SEC62: variants seen among roughly 807,000 people sequenced by gnomAD.
SEC62 encodes SEC62 preprotein translocation factor.
Under a neutral mutation model 47.5 loss-of-function variants are expected in SEC62, and 10 were observed. That is an observed-to-expected ratio of 0.21 (90% confidence interval 0.13 to 0.36). The LOEUF (loss-of-function observed/expected upper bound fraction) is 0.36, where lower values mean the gene tolerates loss of function less well. SEC62 is among the 10% of genes least tolerant of loss of function. SEC62 has a pLI of 1.00. For synonymous variants in SEC62, 136 were observed against 150.5 expected (o/e 0.90, Z 0.71); for missense variants, 327 against 464.1 (o/e 0.70, Z 2.71).
chr3:169,982,722 G>T lies in SEC62; in HGVS notation c.267G>T (p.Gln89His), dbSNP rs758444719. The T allele has an allele frequency of 7.5e-6, 12 of 1,608,448 alleles. No individual in the cohort carries two copies. Among genetic ancestry groups the T allele is most frequent in the Non-Finnish European group, 1.0e-5 (12 of 1,176,610 alleles). ...VDYCNRLLKK[Q>H]FFHRALKVMK... ...TTTCCCAAAGGCTTTTAAAGAAGCA[G>T]TTTTTTCACCGAGCCCTAAAAGTAA... is the stretch of plus-strand genomic sequence containing the variant. Residue 89 changes from glutamine (Q) to histidine (H), a missense_variant, in exon 4 of 8, where the codon CAG becomes CAT. By Grantham distance (24) the Gln-to-His change is conservative. Coordinates refer to ENST00000337002, the MANE Select transcript of SEC62 (RefSeq NM_003262.4).
chr3:169,983,046 G>T, intron 4 of SEC62, 115 bp from the exon 5 acceptor site: 1 of 1,471,336 alleles, frequency 6.8e-7, no homozygotes, highest in Admixed American at 2.3e-5. Context: ...AAATACCGTG[G>T]TTGAGAATTT....
At chr3:169,974,942 A>G (rs1040718614) in intron 1 of SEC62, among the ~76,000 whole-genome samples, 3 of 152,196 alleles carry the variant, frequency 2.0e-5, no homozygotes, top group African/African-American at 7.2e-5. Flanking sequence ...GATACTCACT[A>G]TTAGCAACAT....
intron 1 of SEC62, among the ~76,000 whole-genome samples, chr3:169,973,308 T>C (rs1714747371): frequency 6.6e-6 from 1 of 152,238 alleles, no homozygotes; most frequent in African/African-American, 2.4e-5. Flanking sequence ...TAAATCATTA[T>C]GAATCTTGTA....
At chr3:169,975,738 C>T (rs936964662) in intron 2 of SEC62, 22 bp downstream of exon 2, 9 of 1,466,118 alleles carry the variant, frequency 6.1e-6, no homozygotes, top group Admixed American at 1.7e-5. Flanking sequence ...TCAGTAAAAT[C>T]GTATTAGTGT....
rs1244224978 is a variant in SEC62, at chr3:169,993,026, A to G, written c.1163A>G (p.Asp388Gly). 6.2e-7 allele frequency: 1 copy of G among 1,610,688 alleles called. No individual in the cohort carries two copies. The highest frequency in any genetic ancestry group is 8.5e-7 in the Non-Finnish European group (1 of 1,178,586). Residue 388 changes from aspartate to glycine, a missense_variant, in exon 8 of 8, where the codon GAT (aspartate) becomes GGT (glycine). Coordinates refer to ENST00000337002, the MANE Select transcript of SEC62 (RefSeq NM_003262.4). ...DCEEDEEEEN[D>G]GETPKSSHEK... Reference sequence around the variant, plus strand: ...GAAGAGGATGAGGAAGAGGAAAATGATGGAGAAACACCTAAATCTTCACAT... The same window carrying G: ...GAAGAGGATGAGGAAGAGGAAAATGGTGGAGAAACACCTAAATCTTCACAT...
rs2108290958 is a variant in SEC62, at chr3:169,995,035, T to G, written c.*1972T>G. The G allele has an allele frequency of 6.6e-6, 1 of 152,338 alleles. No individual in the cohort carries two copies. The highest frequency in any genetic ancestry group is 1.9e-4 in the East Asian group (1 of 5,194). The allele number at this position is 152,338 out of a possible 1,614,324, so 9.4% of individuals were successfully genotyped here. A position where few individuals can be genotyped will look rare whatever the true frequency, so the allele number is the denominator to read the frequency against. On this transcript the variant is annotated 3_prime_UTR_variant, in exon 8 of 8. Coordinates refer to ENST00000337002, the MANE Select transcript of SEC62 (RefSeq NM_003262.4). ...TAGAAATTTCAGCTCAGTTTCTATT[T>G]TACTATTCAAGTTGTGTACTTTAAA...
At chr3:169,966,945 G>C (rs948825736) in intron 1 of SEC62, 87 bp downstream of exon 1, 37 of 421,466 alleles carry the variant, frequency 8.8e-5, no homozygotes, top group African/African-American at 7.9e-4. Flanking sequence ...GCGAGCGAAA[G>C]CAAGGGCGAG....
rs1027638351 is a variant in SEC62 at position 169,993,031 on chromosome 3, G to A, written c.1168G>A (p.Glu390Lys). The change falls in exon 8 of 8, where the codon GAA becomes AAA. Residue 390 changes from glutamate to lysine, a missense_variant. This residue lies in a region of SEC62 where 102 missense variants were observed against 108.8 expected (regional missense o/e 0.94). Coordinates refer to ENST00000337002, the MANE Select transcript of SEC62 (RefSeq NM_003262.4). ...GGATGAGGAAGAGGAAAATGATGGA[G>A]AAACACCTAAATCTTCACATGAAAA... ...EEDEEEENDGETPKSSHEKS is the reference protein window; with the variant it reads ...EEDEEEENDGKTPKSSHEKS The A allele has an allele frequency of 6.2e-7, 1 of 1,609,310 alleles. No homozygotes were observed. The highest frequency in any genetic ancestry group is 8.5e-7 in the Non-Finnish European group (1 of 1,177,964).
chr3:169,976,794 T>C (rs1177830234), intron 2 of SEC62, 152 bp from the exon 3 acceptor site: 11 of 463,236 alleles, frequency 2.4e-5, no homozygotes, highest in Non-Finnish European at 4.2e-5. Flanking sequence ...TTTGGGGAAC[T>C]ACTAATCATG....
At position 169,966,827 on chromosome 3, in the gene SEC62, C is replaced by T. The variant is rs1339101671; in HGVS notation, c.5C>T (p.Ala2Val). The T allele has an allele frequency of 2.6e-6, 4 of 1,554,454 alleles. No homozygotes were observed. Among genetic ancestry groups the T allele is most frequent in the East Asian group, 2.4e-5 (1 of 41,138 alleles). The change falls in exon 1 of 8, where the codon GCG becomes GTG. Residue 2 changes from alanine to valine, a missense_variant. By Grantham distance (64) the Ala-to-Val change is moderately conservative. Coordinates refer to ENST00000337002, the MANE Select transcript of SEC62 (RefSeq NM_003262.4). The stretch of plus-strand genomic sequence containing the variant: ...GAACCGGGCGGAGCGGCCAACATGG[C>T]GGAACGCAGGAGACACAAGAAGCGG... MAERRRHKKRIQ... is the reference protein window; with the variant it reads MVERRRHKKRIQ...
intron 1 of SEC62, among the ~76,000 whole-genome samples, chr3:169,974,596 G>A (rs1714781935): frequency 6.6e-6 from 1 of 152,182 alleles, no homozygotes; most frequent in African/African-American, 2.4e-5. Flanking sequence ...TTTCCAAAAC[G>A]ACTCTTTGTC....
chr3:169,985,696 A>T (rs1715088440), intron 5 of SEC62, 109 bp from the exon 6 acceptor site: 5 of 672,744 alleles, frequency 7.4e-6, no homozygotes. Context: ...TACTTCTCGT[A>T]TGTTAAGAGG....
chr3:169,987,255 C>T lies in SEC62; in HGVS notation c.611-985C>T, dbSNP rs980890354. On this transcript the variant is annotated intron_variant, in intron 6 of 7. Transcript: ENST00000337002. Reference sequence around the variant, plus strand: ...CAGCCTAGGCAACATGGCGAAACCTCGTTTCTACAAAAAATTAGCCGGGTG... The same window carrying T: ...CAGCCTAGGCAACATGGCGAAACCTTGTTTCTACAAAAAATTAGCCGGGTG... Among the ~76,000 whole-genome samples, 107 of 152,000 alleles carry T rather than the reference C, an allele frequency of 7.0e-4. 2 individuals carry two copies. Among genetic ancestry groups the T allele is most frequent in the Admixed American group, 6.6e-3 (101 of 15,248 alleles).
chr3:169,966,914 C>T (rs1714539676), intron 1 of SEC62, 56 bp downstream of exon 1: 21 of 1,084,340 alleles, frequency 1.9e-5, no homozygotes, highest in Non-Finnish European at 2.3e-5. Context: ...GTGGAAGGGG[C>T]GGGGAAAGCC....
intron 2 of SEC62, among the ~76,000 whole-genome samples, chr3:169,976,100 T>G (rs1714829481): frequency 6.6e-6 from 1 of 152,168 alleles, no homozygotes; most frequent in Non-Finnish European, 1.5e-5. Context: ...TTCTCATCAA[T>G]TAAAAGTGAA....
intron 7 of SEC62, among the ~76,000 whole-genome samples, chr3:169,990,466 C>T (rs1007724589): frequency 2.6e-5 from 4 of 151,922 alleles, no homozygotes; most frequent in Admixed American, 1.3e-4. Flanking sequence ...TTTTCACTCT[C>T]GGTAATCTAG....
At chr3:169,987,595 A>G (rs1715139893) in intron 6 of SEC62, among the ~76,000 whole-genome samples, 1 of 152,238 alleles carries the variant, frequency 6.6e-6, no homozygotes. Flanking sequence ...AGGGTTACAT[A>G]GCTTATAAGT....
chr3:169,988,621 G>A (rs2108287617), intron 7 of SEC62, among the ~76,000 whole-genome samples: 1 of 152,048 alleles, frequency 6.6e-6, no homozygotes, highest in South Asian at 2.1e-4. Context: ...CATTTATGGG[G>A]TACAATGTGA....
Position 169,983,126 on chromosome 3 carries a change from G to T in SEC62, c.457-35G>T, listed in dbSNP as rs187032384. 18 of 1,533,802 alleles carry T rather than the reference G, an allele frequency of 1.2e-5. No homozygotes were observed. In the East Asian group the frequency reaches 3.8e-4, roughly 33 times the overall value. On this transcript the variant is annotated intron_variant, in intron 4 of 7. Transcript: ENST00000337002. ...TGAACATCATATTTCTTGCTTACTT[G>T]TGTTATTTCTTCTGTCCAACTTGTG...
Sources: gnomAD v4.1 joint callset for allele counts (sites outside exome capture counted in the v4.1 genomes callset) on GRCh38, gnomAD v4.1.1 for gene constraint, gnomAD v4.1.1 regional missense constraint, MANE v1.5 for transcripts, NCBI Gene and HGNC (gene_info 2026-07-23, HGNC 2026-07-21) for gene names.